Variants in PKD1L1 observed in about 807,000 individuals in gnomAD.
PKD1L1 encodes the protein polycystin-1-like protein 1.
Under a neutral mutation model 323.4 loss-of-function variants are expected in PKD1L1, and 236 were observed. That is an observed-to-expected ratio of 0.73 (90% CI 0.66 to 0.81). The LOEUF (loss-of-function observed/expected upper bound fraction) is 0.81. Among genes scored for constraint, PKD1L1 ranks in the 40% least tolerant of loss-of-function variants. The pLI is 0.00. For synonymous variants in PKD1L1, 1,344 were observed against 1,335.0 expected, an observed-to-expected ratio of 1.01 and a Z score of -0.15; for missense variants, 3,320 against 3,508.0, an observed-to-expected ratio of 0.95 and a Z score of 1.35.
At chr7:47,806,593 C>A (rs1026082711) in intron 52 of PKD1L1, among the ~76,000 whole-genome samples, 2 of 152,204 alleles carry the variant, frequency 1.3e-5, no homozygotes, top group East Asian at 3.8e-4. Context: ...CAGTAGTGAA[C>A]AAAATAGATA....
At chr7:47,875,454 A>G (rs4724653) in intron 23 of PKD1L1, among the ~76,000 whole-genome samples, 55,282 of 152,118 alleles carry the variant, frequency 0.36, 11,454 homozygotes, top group African/African-American at 0.57. Flanking sequence ...TCTTCCAGGC[A>G]TTTAAAAAAT....
At position 47,801,464 on chromosome 7, in the gene PKD1L1, G is replaced by A. The variant is rs1784660725; in HGVS notation, c.7963-585C>T. On this transcript the variant is annotated intron_variant, in intron 53 of 56. Transcript: ENST00000289672. The stretch of plus-strand genomic sequence containing the variant: ...CACTCCATCTGCTCCAACCAGCCCT[G>A]GTGCTGACAAGTATTTTTTCAGCCT... 4.6e-5 allele frequency among the ~76,000 whole-genome samples: 7 copies of A among 152,268 alleles called. No individual in the cohort carries two copies. In the South Asian group the frequency reaches 1.5e-3, roughly 32 times the overall value.
chr7:47,886,102 A>T, intron 17 of PKD1L1, 48 bp from the exon 18 acceptor site: 2 of 1,550,480 alleles, frequency 1.3e-6, no homozygotes. Flanking sequence ...AAAAATATAA[A>T]ATATTTGCTT....
chr7:47,808,250 A>G lies in PKD1L1; in HGVS notation c.7824T>C (p.Asn2608=). The G allele has an allele frequency of 1.2e-6, 2 of 1,614,144 alleles. No homozygotes were observed. Among genetic ancestry groups the G allele is most frequent in the Non-Finnish European group, 1.7e-6 (2 of 1,180,028 alleles). ...TGGCCCTGAGCACACCGTGTACCTGATTCCATGATGCCATAAGGGTGAGGT... is the reference window on the plus strand; with the variant it reads ...TGGCCCTGAGCACACCGTGTACCTGGTTCCATGATGCCATAAGGGTGAGGT... ...FMDLTLMASW[N]QRARWLRGIL... Residue 2608 remains asparagine (N), a synonymous_variant, in exon 52 of 57, where the codon AAT becomes AAC. Coordinates refer to ENST00000289672, the MANE Select transcript of PKD1L1 (RefSeq NM_138295.5).
intron 53 of PKD1L1, among the ~76,000 whole-genome samples, chr7:47,801,682 C>T (rs79893637): frequency 0.099 from 15,005 of 152,130 alleles, 1,006 homozygotes; most frequent in South Asian, 0.13. Flanking sequence ...CACTAGGACT[C>T]GTTTTAGTAT....
intron 46 of PKD1L1, chr7:47,817,921 A>G (rs1785055539): frequency 1.2e-6 from 1 of 857,094 alleles, no homozygotes; most frequent in Admixed American, 3.1e-5. Context: ...GAATTAATTT[A>G]TCTGACTGGT....
In PKD1L1 at chr7:47,941,778, A is replaced by G. The variant is rs867273563; in HGVS notation, c.161-1461T>C. On this transcript the variant is annotated intron_variant, in intron 2 of 56. Coordinates refer to ENST00000289672, the MANE Select transcript of PKD1L1 (RefSeq NM_138295.5). ...ATTTCTCTGAAACCAATTAGTCATCAAAGTCACTGTGCTCAAATTATCTGG... is the reference window on the plus strand; with the variant it reads ...ATTTCTCTGAAACCAATTAGTCATCGAAGTCACTGTGCTCAAATTATCTGG... Among the ~76,000 whole-genome samples, 4 of 152,360 alleles carry G rather than the reference A, an allele frequency of 2.6e-5. No homozygotes were observed. The South Asian group carries it at 8.3e-4, about 32-fold the overall frequency.
chr7:47,779,199 C>A (rs1310190757), intron 56 of PKD1L1, among the ~76,000 whole-genome samples: 1 of 152,190 alleles, frequency 6.6e-6, no homozygotes, highest in Non-Finnish European at 1.5e-5. Context: ...TGGCAGATGT[C>A]TTGCCAATAG....
In PKD1L1 at chr7:47,840,478, T is replaced by C. The variant is rs760007167; in HGVS notation, c.5535A>G (p.Arg1845=). The change falls in exon 35 of 57, where the codon AGA becomes AGG. Residue 1845 remains arginine (R), a synonymous_variant. Coordinates refer to ENST00000289672, the MANE Select transcript of PKD1L1 (RefSeq NM_138295.5). The surrounding 1 kb of genome is among the most constrained non-coding windows in gnomAD (Gnocchi z 4.1). ...TGGAATACCTCAGGATAAAGGTGTG[T>C]CTGGAATTCCTTTCAAACAGGGGCT... ...PEKPLFERNS[R]HTFILSAPAQ... 3.7e-6 allele frequency: 6 copies of C among 1,613,620 alleles called. No individual in the cohort carries two copies. In the East Asian group the frequency reaches 1.1e-4, roughly 30 times the overall value.
At chr7:47,806,606 T>C (rs1163708835) in intron 52 of PKD1L1, among the ~76,000 whole-genome samples, 1 of 152,248 alleles carries the variant, frequency 6.6e-6, no homozygotes, top group African/African-American at 2.4e-5. Context: ...AATAGATACA[T>C]TCTCTATTCT....
intron 7 of PKD1L1, among the ~76,000 whole-genome samples, chr7:47,922,911 GAA>G (rs745402751): frequency 3.7e-4 from 56 of 152,362 alleles, no homozygotes; most frequent in Non-Finnish European, 7.1e-4. Context: ...GAAATGTGGG[GAA>G]AAGAGAGATC....
intron 17 of PKD1L1, among the ~76,000 whole-genome samples, chr7:47,886,826 TAGCA>T (rs2128747956): frequency 6.6e-6 from 1 of 152,186 alleles, no homozygotes; most frequent in Non-Finnish European, 1.5e-5. Context: ...TATTCCTTTA[TAGCA>T]GTGCAAGAAG....
At chr7:47,894,870 A>T (rs902787181) in intron 14 of PKD1L1, among the ~76,000 whole-genome samples, 1 of 150,598 alleles carries the variant, frequency 6.6e-6, no homozygotes, top group African/African-American at 2.5e-5. Context: ...AAAAAAAAAA[A>T]CTGACGCAAT....
At position 47,905,877 on chromosome 7, in the gene PKD1L1, A is replaced by C. The variant is rs1486448315; in HGVS notation, c.1488T>G (p.Ala496=). 3.1e-6 allele frequency: 5 copies of C among 1,613,630 alleles called. No individual in the cohort carries two copies. The highest frequency in any genetic ancestry group is 4.2e-6 in the Non-Finnish European group (5 of 1,179,952). Residue 496 remains alanine (A), a synonymous_variant, in exon 10 of 57, where the codon GCT becomes GCG. Coordinates refer to ENST00000289672, the MANE Select transcript of PKD1L1 (RefSeq NM_138295.5). ...ISQTQVGDSQ[A]WHSMTVWYKM... ...TATACCAGACAGTCATGCTGTGCCA[A>C]GCCTGGCTGTCACCCACTTGAGTCT... is the stretch of plus-strand genomic sequence containing the variant.
At chr7:47,873,662 AAAAAAAAAAGAAGG>A (rs1219152885) in intron 24 of PKD1L1, among the ~76,000 whole-genome samples, 3 of 145,764 alleles carry the variant, frequency 2.1e-5, no homozygotes, top group African/African-American at 7.8e-5. Context: ...AAAAAAAAAA[AAAAAAAAAAGAAGG>A]AGAAGAAAGT....
In PKD1L1 at chr7:47,832,781, G is replaced by A. The variant is rs571530336; in HGVS notation, c.6337+309C>T. On this transcript the variant is annotated intron_variant, in intron 41 of 56. Transcript: ENST00000289672. Reference sequence around the variant, plus strand: ...AGCATAATTGGAAGCTGGGACTATCGTTCACTGTCATTAGCATTAAAACAT... The same window carrying A: ...AGCATAATTGGAAGCTGGGACTATCATTCACTGTCATTAGCATTAAAACAT... Among the ~76,000 whole-genome samples, 5 of 152,294 alleles carry A rather than the reference G, an allele frequency of 3.3e-5. No individual in the cohort carries two copies. The South Asian group carries it at 1.0e-3, about 32-fold the overall frequency.
intron 45 of PKD1L1, among the ~76,000 whole-genome samples, chr7:47,826,319 G>A (rs555478169): frequency 6.6e-6 from 1 of 152,200 alleles, no homozygotes; most frequent in African/African-American, 2.4e-5. Flanking sequence ...TATGGGTTTT[G>A]TTTTTGCTAT....
chr7:47,822,615 A>AC (rs1785166268), intron 45 of PKD1L1, among the ~76,000 whole-genome samples: 1 of 151,386 alleles, frequency 6.6e-6, no homozygotes, highest in South Asian at 2.1e-4. Context: ...AAAAAAAAAA[A>AC]AAAACAGCTG....
chr7:47,827,261 TCTCCCAGGAGGACCAGCGG>T (rs1336976010), intron 45 of PKD1L1, 70 bp downstream of exon 45: 21 of 1,170,826 alleles, frequency 1.8e-5, no homozygotes, highest in Non-Finnish European at 2.3e-5. Flanking sequence ...AGGAGAACAA[TCTCCCAGGAGGACCAGCGG>T]CAGTGGGGTA....
Sources: allele counts gnomAD v4.1 joint callset (sites outside exome capture counted in the v4.1 genomes callset), GRCh38; gene constraint gnomAD v4.1.1; non-coding constraint Gnocchi (gnomAD v3.1); transcripts MANE v1.5; gene names NCBI Gene and HGNC (gene_info 2026-07-23, HGNC 2026-07-21).